Variants in SPTBN1 observed in about 807,000 individuals in gnomAD.
SPTBN1 encodes the protein spectrin beta chain, non-erythrocytic 1.
In SPTBN1, 32 loss-of-function variants were observed where a neutral mutation model predicts 266.4. The ratio of observed to expected loss-of-function variants is 0.12; its 90% CI spans 0.09 to 0.16. The LOEUF (loss-of-function observed/expected upper bound fraction) is 0.16, where lower values mean the gene tolerates loss of function less well. Among genes scored for constraint, SPTBN1 ranks in the 10% least tolerant of loss-of-function variants. SPTBN1 has a pLI of 1.00. For missense variants in SPTBN1, 2,296 were observed against 3,067.1 expected, an observed-to-expected ratio of 0.75 and a Z score of 5.94; for synonymous variants, 1,336 against 1,162.2, an observed-to-expected ratio of 1.15 and a Z score of -3.04.
At chr2:54,566,185 C>CTTTTTT (rs59369956) in intron 2 of SPTBN1, among the ~76,000 whole-genome samples, 326 of 124,924 alleles carry the variant, frequency 2.6e-3, no homozygotes, top group African/African-American at 3.2e-3. Flanking sequence ...TTTCTTTTTT[C>CTTTTTT]TTTTTTTTTT....
At position 54,668,394 on chromosome 2, in the gene SPTBN1, C is replaced by A. The variant is rs749303998; in HGVS notation, c.6920C>A (p.Ser2307Tyr). 3.1e-6 allele frequency: 5 copies of A among 1,614,034 alleles called. No homozygotes were observed. The highest frequency in any genetic ancestry group is 2.7e-5 in the African/African-American group (2 of 74,908). ...ATCCAGGCTATCTCTTCCGCCATCT[C>A]CTCTGATAAACACGAGGTGTCTGCC... ...TWIQAISSAISSDKHEVSAST... is the reference protein window; with the variant it reads ...TWIQAISSAIYSDKHEVSAST... Residue 2307 changes from serine (S) to tyrosine (Y), a missense_variant, in exon 36 of 36, where the codon TCC (serine) becomes TAC (tyrosine). Transcript: ENST00000356805.
Position 54,628,883 on chromosome 2 carries a change from C to A in SPTBN1, c.1799-50C>A, listed in dbSNP as rs772050932. 1 of 1,533,222 alleles carries A rather than the reference C, an allele frequency of 6.5e-7. No homozygotes were observed. Among genetic ancestry groups the A allele is most frequent in the East Asian group, 2.3e-5 (1 of 44,290 alleles). The allele number at this position is 1,533,222 out of a possible 1,614,324, so 95.0% of individuals were successfully genotyped here. ...TTACTGCCTGCCAGTGAGCCTGCAC[C>A]CATGCTGAGCTCCCTCACACAGCCA... On this transcript the variant is annotated intron_variant, in intron 13 of 35. Transcript: ENST00000356805. This position sits in a 1 kb window ranked among gnomAD's most constrained non-coding sequence, Gnocchi z 4.3.
intron 32 of SPTBN1, chr2:54,661,171 G>C (rs903744308): frequency 1.1e-5 from 11 of 985,356 alleles, no homozygotes; most frequent in African/African-American, 1.0e-4. Flanking sequence ...GATAAAGGAA[G>C]CTTTTAGGAT....
chr2:54,623,569 G>T lies in SPTBN1; in HGVS notation c.1155G>T (p.Glu385Asp), dbSNP rs1678132522. The change falls in exon 10 of 36, where the codon GAG becomes GAT. Residue 385 changes from glutamate (E) to aspartate (D), a missense_variant. Around this residue, in one of 12 missense-constraint regions of SPTBN1, gnomAD observed 148 missense variants for 203.8 expected, o/e 0.73. Coordinates refer to ENST00000356805, the MANE Select transcript of SPTBN1 (RefSeq NM_003128.3). ...ACCAGAAGGTCTACATGCCCCGGGA[G>T]GGGAAGCTCATCTCTGACATCAACA... ...ANNQKVYMPR[E>D]GKLISDINKA... The T allele has an allele frequency of 1.2e-6, 2 of 1,614,076 alleles. No individual in the cohort carries two copies. Among genetic ancestry groups the T allele is most frequent in the Non-Finnish European group, 1.7e-6 (2 of 1,179,972 alleles).
chr2:54,599,191 G>T lies in SPTBN1; in HGVS notation c.248G>T (p.Arg83Leu). 3 of 1,614,148 alleles carry T rather than the reference G, an allele frequency of 1.9e-6. No homozygotes were observed. The highest frequency in any genetic ancestry group is 2.5e-6 in the Non-Finnish European group (3 of 1,180,030). The change falls in exon 3 of 36, where the codon CGA (arginine) becomes CTA (leucine). Residue 83 changes from arginine to leucine, a missense_variant. Physicochemically the swap from Arg to Leu is moderately radical, Grantham distance 102 (BLOSUM62 -2). Transcript: ENST00000356805. ...CRITDLYTDLRDGRMLIKLLE... is the reference protein window; with the variant it reads ...CRITDLYTDLLDGRMLIKLLE... ...ATCACAGACCTGTACACTGACCTTC[G>T]AGATGGACGGATGCTCATCAAGCTG... is the stretch of plus-strand genomic sequence containing the variant.
chr2:54,623,685 A>G, intron 10 of SPTBN1, 89 bp downstream of exon 10: 10 of 1,068,380 alleles, frequency 9.4e-6, no homozygotes, highest in Non-Finnish European at 1.4e-5. Flanking sequence ...AGGACAAGAG[A>G]CTGGAAGGGG....
chr2:54,645,035 A>C lies in SPTBN1; in HGVS notation c.4270-194A>C, dbSNP rs1222601339. 2 of 607,380 alleles carry C rather than the reference A, an allele frequency of 3.3e-6. No individual in the cohort carries two copies. The highest frequency in any genetic ancestry group is 5.8e-6 in the Non-Finnish European group (2 of 346,654). 37.6% of individuals were successfully genotyped at this position (607,380 alleles called of 1,614,324 possible). On this transcript the variant is annotated intron_variant, in intron 20 of 35. Transcript: ENST00000356805. The surrounding 1 kb of genome is among the most constrained non-coding windows in gnomAD (Gnocchi z 4.3). ...TATCACCGTAGAGGGCTTTAAGGGC[A>C]AATGAATTTACCTCAGATTTACTTG...
At chr2:54,464,037 T>C (rs546385485) in intron 1 of SPTBN1, among the ~76,000 whole-genome samples, 4 of 152,328 alleles carry the variant, frequency 2.6e-5, no homozygotes, top group Admixed American at 6.5e-5. Context: ...TGGATAGATA[T>C]TATGCTCTGG....
intron 2 of SPTBN1, among the ~76,000 whole-genome samples, chr2:54,590,584 C>T (rs560126679): frequency 6.6e-6 from 1 of 152,194 alleles, no homozygotes; most frequent in Non-Finnish European, 1.5e-5. Context: ...TGATTGCTGA[C>T]ATCTGATAGG....
rs1558834050 is a variant in SPTBN1 at position 54,555,351 on chromosome 2, G to C, written c.148+28785G>C. ...ATTGCAGGTAACTCAGATTCCACCT[G>C]TCTAGAAGGAAATGTGCACTTGTCC... On this transcript the variant is annotated intron_variant, in intron 2 of 35. Transcript: ENST00000356805. 2.6e-5 allele frequency among the ~76,000 whole-genome samples: 4 copies of C among 152,144 alleles called. No homozygotes were observed. In the South Asian group the frequency reaches 8.3e-4, roughly 32 times the overall value.
chr2:54,610,140 C>T (rs1438138276), intron 3 of SPTBN1, among the ~76,000 whole-genome samples: 2 of 151,716 alleles, frequency 1.3e-5, no homozygotes, highest in Admixed American at 6.6e-5. Context: ...TCAGCAAAAG[C>T]TGCTTCTCCC....
intron 2 of SPTBN1, among the ~76,000 whole-genome samples, chr2:54,595,323 T>C (rs978078179): frequency 4.1e-4 from 62 of 152,188 alleles, no homozygotes; most frequent in Admixed American, 3.3e-3. Flanking sequence ...GGGGCAAATA[T>C]AGCTGAGAGA....
At chr2:54,562,680 G>A (rs1673387988) in intron 2 of SPTBN1, among the ~76,000 whole-genome samples, 1 of 139,430 alleles carries the variant, frequency 7.2e-6, no homozygotes, top group Admixed American at 7.1e-5. Context: ...ACAGGCACTT[G>A]CCACCAAACC....
At chr2:54,583,374 A>G (rs970355270) in intron 2 of SPTBN1, among the ~76,000 whole-genome samples, 1 of 152,182 alleles carries the variant, frequency 6.6e-6, no homozygotes, top group African/African-American at 2.4e-5. Context: ...CTTTTTAAGA[A>G]TGGATTTGCA....
chr2:54,649,160 T>G lies in SPTBN1; in HGVS notation c.5172T>G (p.His1724Gln). The G allele has an allele frequency of 6.2e-7, 1 of 1,610,890 alleles. No individual in the cohort carries two copies. Among genetic ancestry groups the G allele is most frequent in the Non-Finnish European group, 8.5e-7 (1 of 1,177,992 alleles). The change falls in exon 25 of 36, where the codon CAT becomes CAG. Residue 1724 changes from histidine (H) to glutamine (Q), a missense_variant. Physicochemically the swap from His to Gln is conservative, Grantham distance 24 (BLOSUM62 0). This residue lies in a region of SPTBN1 where 644 missense variants were observed against 745.3 expected (regional missense o/e 0.86). Coordinates refer to ENST00000356805, the MANE Select transcript of SPTBN1 (RefSeq NM_003128.3). The surrounding 1 kb of genome is among the most constrained non-coding windows in gnomAD (Gnocchi z 6.7). Reference sequence around the variant, plus strand: ...AGAGGGAGGTGGTCGCAGGGTCCCATGAACTGGGACAGGACTATGAGCATG... The same window carrying G: ...AGAGGGAGGTGGTCGCAGGGTCCCAGGAACTGGGACAGGACTATGAGCATG... ...IAEREVVAGS[H>Q]ELGQDYEHVT...
intron 18 of SPTBN1, among the ~76,000 whole-genome samples, chr2:54,641,898 T>C (rs1679590933): frequency 6.6e-6 from 1 of 152,234 alleles, no homozygotes; most frequent in Non-Finnish European, 1.5e-5. Flanking sequence ...TGGTTTTATG[T>C]GTCACTTCTA....
chr2:54,584,353 G>A (rs1675142276), intron 2 of SPTBN1, among the ~76,000 whole-genome samples: 1 of 152,072 alleles, frequency 6.6e-6, no homozygotes, highest in African/African-American at 2.4e-5. Context: ...TAAATCTGTA[G>A]TGCACATTCT....
intron 7 of SPTBN1, among the ~76,000 whole-genome samples, chr2:54,619,575 A>G (rs1206999840): frequency 6.6e-6 from 1 of 152,206 alleles, no homozygotes; most frequent in African/African-American, 2.4e-5. Context: ...TTTGATCTTG[A>G]TTATTAGTTG....
rs899102927 is a variant in SPTBN1 at position 54,599,326 on chromosome 2, A to C, written c.300+83A>C. ...TCAAGTGTGACTTGTCTCCTGTTGA[A>C]TTCTGCACTTAATGGTTGATAGTTT... On this transcript the variant is annotated intron_variant, in intron 3 of 35. Transcript: ENST00000356805. 4.0e-6 allele frequency: 6 copies of C among 1,507,370 alleles called. No individual in the cohort carries two copies. In the Admixed American group the frequency reaches 1.1e-4, roughly 27 times the overall value. The allele number at this position is 1,507,370 out of a possible 1,614,324, so 93.4% of individuals were successfully genotyped here.
Sources: gnomAD v4.1 joint callset for allele counts (sites outside exome capture counted in the v4.1 genomes callset) on GRCh38, gnomAD v4.1.1 for gene constraint, gnomAD v4.1.1 regional missense constraint, Gnocchi (gnomAD v3.1) non-coding constraint, MANE v1.5 for transcripts, NCBI Gene and HGNC (gene_info 2026-07-23, HGNC 2026-07-21) for gene names.